Variants in SPATS2 observed in about 807,000 individuals in gnomAD.
SPATS2 encodes the protein spermatogenesis-associated serine-rich protein 2.
A neutral mutation model predicts 63.7 loss-of-function variants in SPATS2; 38 were observed. The ratio of observed to expected loss-of-function variants is 0.60; its 90% CI spans 0.46 to 0.78. SPATS2 has a LOEUF of 0.78. Among genes scored for constraint, SPATS2 ranks in the 30% least tolerant of loss-of-function variants. The pLI, the probability that SPATS2 is intolerant of heterozygous loss-of-function variation, is 0.00. For synonymous variants in SPATS2, 207 were observed against 232.9 expected (o/e 0.89, Z 1.01); for missense variants, 588 against 666.2 (o/e 0.88, Z 1.29).
intron 2 of SPATS2, among the ~76,000 whole-genome samples, chr12:49,376,673 A>G (rs920081561): frequency 3.4e-4 from 51 of 148,982 alleles, no homozygotes; most frequent in African/African-American, 1.2e-3. Context: ...CTGAGATTAC[A>G]GGTGTGAACC....
chr12:49,391,361 A>C (rs1944415444), intron 2 of SPATS2, among the ~76,000 whole-genome samples: 1 of 152,138 alleles, frequency 6.6e-6, no homozygotes, highest in African/African-American at 2.4e-5. Context: ...AAAATACAAA[A>C]ATTAGCTGGT....
rs140320761 is a variant in SPATS2 at position 49,484,848 on chromosome 12, G to T, written c.105+179G>T. ...TCTGATTGCGCAGAACCTATTAACAGAACCTATTAAATGCAAACATTTTCT... is the reference window on the plus strand; with the variant it reads ...TCTGATTGCGCAGAACCTATTAACATAACCTATTAAATGCAAACATTTTCT... On this transcript the variant is annotated intron_variant, in intron 4 of 13. Coordinates refer to ENST00000552918, the MANE Select transcript of SPATS2 (RefSeq NM_023071.4). 5.2e-3 allele frequency among the ~76,000 whole-genome samples: 799 copies of T among 152,226 alleles called. 5 individuals are homozygous for T. Among genetic ancestry groups the T allele is most frequent in the Middle Eastern group, 0.01 (3 of 294 alleles).
chr12:49,373,704 A>AT (rs765158191), intron 2 of SPATS2, among the ~76,000 whole-genome samples: 1 of 152,158 alleles, frequency 6.6e-6, no homozygotes, highest in Non-Finnish European at 1.5e-5. Context: ...AGGTGGGCGG[A>AT]TCATCAGGTC....
At chr12:49,389,720 A>G (rs1413552487) in intron 2 of SPATS2, 20 of 1,549,716 alleles carry the variant, frequency 1.3e-5, no homozygotes, top group Non-Finnish European at 1.7e-5. Context: ...TAGTTATGGG[A>G]ATCCAGCAAG....
chr12:49,419,792 A>G (rs538972726), intron 2 of SPATS2, among the ~76,000 whole-genome samples: 18 of 152,336 alleles, frequency 1.2e-4, no homozygotes, highest in African/African-American at 4.3e-4. Flanking sequence ...TATATTTAAC[A>G]TTCTTATGAT....
intron 2 of SPATS2, among the ~76,000 whole-genome samples, chr12:49,448,284 C>T (rs969081180): frequency 1.4e-4 from 21 of 151,492 alleles, no homozygotes; most frequent in African/African-American, 4.1e-4. Flanking sequence ...ACTACAGGCA[C>T]CCGCCACCAT....
At chr12:49,457,740 G>GT (rs1372040434) in intron 2 of SPATS2, among the ~76,000 whole-genome samples, 1 of 152,074 alleles carries the variant, frequency 6.6e-6, no homozygotes, top group Non-Finnish European at 1.5e-5. Context: ...GCCTCATCCT[G>GT]TTTTCTTTAA....
intron 2 of SPATS2, among the ~76,000 whole-genome samples, chr12:49,435,354 T>C (rs1194193698): frequency 6.7e-6 from 1 of 148,668 alleles, no homozygotes. Context: ...AGATAAGGTC[T>C]AGCTTTGTCG....
intron 2 of SPATS2, among the ~76,000 whole-genome samples, chr12:49,392,483 C>CG (rs1386290579): frequency 6.6e-6 from 1 of 152,102 alleles, no homozygotes; most frequent in Non-Finnish European, 1.5e-5. Context: ...GTTTGGGAGG[C>CG]GGGTGAATCA....
chr12:49,428,429 C>T (rs1392058948), intron 2 of SPATS2, among the ~76,000 whole-genome samples: 1 of 152,202 alleles, frequency 6.6e-6, no homozygotes, highest in African/African-American at 2.4e-5. Context: ...TAATCAGTAA[C>T]TCTCATTCCC....
At chr12:49,427,920 A>G (rs1945109544) in intron 2 of SPATS2, among the ~76,000 whole-genome samples, 1 of 152,046 alleles carries the variant, frequency 6.6e-6, no homozygotes, top group African/African-American at 2.4e-5. Context: ...GGGTCAAGAA[A>G]TCAACTTTTT....
chr12:49,513,295 T>TC (rs1279954211), intron 9 of SPATS2, among the ~76,000 whole-genome samples: 1 of 152,032 alleles, frequency 6.6e-6, no homozygotes, highest in African/African-American at 2.4e-5. Context: ...GTAGTTATAT[T>TC]CCCCTTCAAA....
chr12:49,441,162 A>G (rs1221239459), intron 2 of SPATS2, among the ~76,000 whole-genome samples: 1 of 152,174 alleles, frequency 6.6e-6, no homozygotes, highest in Admixed American at 6.6e-5. Context: ...GCTACAGTGT[A>G]TCTTATACCT....
chr12:49,369,004 G>A (rs1489209732), intron 1 of SPATS2, among the ~76,000 whole-genome samples: 1 of 149,924 alleles, frequency 6.7e-6, no homozygotes, highest in Non-Finnish European at 1.5e-5. Flanking sequence ...AATGAGTGCA[G>A]TGTTCTCATT....
At chr12:49,484,744 C>T (rs1946260750) in intron 4 of SPATS2, 75 bp downstream of exon 4, 4 of 1,274,804 alleles carry the variant, frequency 3.1e-6, no homozygotes, top group Non-Finnish European at 3.4e-6. Context: ...TAGTGGCTAC[C>T]ACAAACTCAT....
intron 2 of SPATS2, among the ~76,000 whole-genome samples, chr12:49,418,473 T>G (rs1944928901): frequency 6.6e-6 from 1 of 152,076 alleles, no homozygotes; most frequent in African/African-American, 2.4e-5. Flanking sequence ...CTAATGTTTG[T>G]ATTTTTAGTA....
intron 10 of SPATS2, among the ~76,000 whole-genome samples, chr12:49,515,149 A>T (rs1474462710): frequency 6.6e-6 from 1 of 152,216 alleles, no homozygotes; most frequent in Admixed American, 6.5e-5. Context: ...GCTTACTAAA[A>T]TAGATTCTGG....
At chr12:49,496,078 A>G (rs1946458924) in intron 7 of SPATS2, among the ~76,000 whole-genome samples, 1 of 152,150 alleles carries the variant, frequency 6.6e-6, no homozygotes. Context: ...CCAATATAAG[A>G]TTTATGCTGT....
intron 3 of SPATS2, among the ~76,000 whole-genome samples, chr12:49,464,729 T>C (rs1475635707): frequency 6.6e-6 from 1 of 151,870 alleles, no homozygotes; most frequent in Non-Finnish European, 1.5e-5. Flanking sequence ...TTTGGGAGGC[T>C]GAGGTGGGAG....
Sources: gnomAD v4.1 joint callset for allele counts (sites outside exome capture counted in the v4.1 genomes callset) on GRCh38, gnomAD v4.1.1 for gene constraint, MANE v1.5 for transcripts, NCBI Gene and HGNC (gene_info 2026-07-23, HGNC 2026-07-21) for gene names.